Variants in SPMIP2 observed in about 807,000 individuals in gnomAD.
The protein encoded by SPMIP2 is protein SPMIP2.
chr4:158,925,285 G>A, the SPMIP2 span, among the ~76,000 whole-genome samples: 1 of 151,888 alleles, frequency 6.6e-6, no homozygotes, highest in East Asian at 1.9e-4. Context: ...ATCTTTCTAC[G>A]GATTTATCAA....
the SPMIP2 span, among the ~76,000 whole-genome samples, chr4:159,052,732 C>T: frequency 6.6e-6 from 1 of 151,246 alleles, no homozygotes; most frequent in South Asian, 2.1e-4. Flanking sequence ...CTTCCAGGTT[C>T]AAGCCATTCT....
the SPMIP2 span, among the ~76,000 whole-genome samples, chr4:159,039,509 A>G: frequency 3.3e-5 from 5 of 152,310 alleles, no homozygotes; most frequent in Non-Finnish European, 7.3e-5. Flanking sequence ...CACAGAGAAA[A>G]CAAAAGAAAG....
At chr4:158,920,349 A>C in the SPMIP2 span, among the ~76,000 whole-genome samples, 1 of 152,116 alleles carries the variant, frequency 6.6e-6, no homozygotes, top group East Asian at 1.9e-4. Context: ...ATAAGGTCTG[A>C]CTGCCTGCGG....
the SPMIP2 span, among the ~76,000 whole-genome samples, chr4:158,911,693 A>C: frequency 6.6e-6 from 1 of 152,164 alleles, no homozygotes; most frequent in Non-Finnish European, 1.5e-5. Context: ...GAAATGCAAA[A>C]TCTCAAACCC....
At chr4:158,946,227 C>T in the SPMIP2 span, among the ~76,000 whole-genome samples, 1 of 152,246 alleles carries the variant, frequency 6.6e-6, no homozygotes, top group East Asian at 1.9e-4. Flanking sequence ...AAGTTCTCTT[C>T]TTAAAAATCA....
the SPMIP2 span, among the ~76,000 whole-genome samples, chr4:158,911,387 A>T: frequency 1.9e-3 from 287 of 147,308 alleles, 1 homozygote; most frequent in African/African-American, 6.1e-3. Context: ...AATAAATAAA[A>T]TAAATAAAAG....
the SPMIP2 span, among the ~76,000 whole-genome samples, chr4:158,922,305 C>G: frequency 6.6e-6 from 1 of 152,280 alleles, no homozygotes; most frequent in Non-Finnish European, 1.5e-5. Context: ...AACATCCCAA[C>G]CCAGGATGCT....
the SPMIP2 span, among the ~76,000 whole-genome samples, chr4:158,994,115 A>G: frequency 6.6e-6 from 1 of 152,202 alleles, no homozygotes; most frequent in Non-Finnish European, 1.5e-5. Flanking sequence ...CTTCTTTTCT[A>G]TATCAAATTT....
chr4:159,062,619 CT>C, the SPMIP2 span, among the ~76,000 whole-genome samples: 2 of 151,696 alleles, frequency 1.3e-5, no homozygotes, highest in Non-Finnish European at 2.9e-5. Context: ...TTGAAAGCTT[CT>C]TGTGATTTCC....
the SPMIP2 span, among the ~76,000 whole-genome samples, chr4:158,958,256 T>G: frequency 3.9e-5 from 6 of 152,282 alleles, no homozygotes; most frequent in Non-Finnish European, 8.8e-5. Flanking sequence ...CACCTCAGGC[T>G]CCTGAATAGC....
At chr4:158,950,510 T>G in the SPMIP2 span, among the ~76,000 whole-genome samples, 2 of 152,092 alleles carry the variant, frequency 1.3e-5, no homozygotes, top group Non-Finnish European at 2.9e-5. Flanking sequence ...CCATGTTCAA[T>G]GCAAGGGAAA....
the SPMIP2 span, chr4:158,973,152 C>A: frequency 6.2e-7 from 1 of 1,612,892 alleles, no homozygotes; most frequent in Admixed American, 1.7e-5. Flanking sequence ...ACCAATTTCA[C>A]TGACGTACTC....
chr4:159,069,588 C>G, the SPMIP2 span, among the ~76,000 whole-genome samples: 1 of 150,958 alleles, frequency 6.6e-6, no homozygotes, highest in Non-Finnish European at 1.5e-5. Flanking sequence ...GCAAGTGCCA[C>G]CACACCTGGC....
the SPMIP2 span, among the ~76,000 whole-genome samples, chr4:158,964,168 AAAACAAAACAAAACAAAAC>A: frequency 1.9e-4 from 20 of 104,812 alleles, no homozygotes; most frequent in African/African-American, 5.1e-4. Flanking sequence ...AAAACAAAAC[AAAACAAAACAAAACAAAAC>A]AAAAAACATG....
the SPMIP2 span, among the ~76,000 whole-genome samples, chr4:159,068,149 C>T: frequency 6.6e-6 from 1 of 152,120 alleles, no homozygotes; most frequent in Non-Finnish European, 1.5e-5. Context: ...ACCCAGCCAT[C>T]CCATTACTGG....
chr4:159,030,265 A>T, the SPMIP2 span, among the ~76,000 whole-genome samples: 1 of 152,032 alleles, frequency 6.6e-6, no homozygotes, highest in African/African-American at 2.4e-5. Context: ...TACAAAAATT[A>T]ACCAGGAGTG....
At chr4:159,023,228 G>A in the SPMIP2 span, among the ~76,000 whole-genome samples, 4 of 152,036 alleles carry the variant, frequency 2.6e-5, no homozygotes, top group African/African-American at 7.2e-5. Flanking sequence ...ACAGAAGACC[G>A]TCTCACCCAT....
At chr4:158,915,692 A>C in the SPMIP2 span, among the ~76,000 whole-genome samples, 1 of 152,318 alleles carries the variant, frequency 6.6e-6, no homozygotes, top group South Asian at 2.1e-4. Flanking sequence ...CATGAGACCC[A>C]TGTGATCTCC....
At chr4:159,074,004 C>G in the SPMIP2 span, among the ~76,000 whole-genome samples, 1 of 151,782 alleles carries the variant, frequency 6.6e-6, no homozygotes, top group South Asian at 2.1e-4. Flanking sequence ...GACTCTGTCT[C>G]AAAAAACAAA....
Sources: allele counts gnomAD v4.1 joint callset (sites outside exome capture counted in the v4.1 genomes callset), GRCh38; gene constraint gnomAD v4.1.1; transcripts MANE v1.5; gene names NCBI Gene and HGNC (gene_info 2026-07-23, HGNC 2026-07-21).